COG3: variants seen among roughly 807,000 people sequenced by gnomAD.
COG3 encodes component of oligomeric golgi complex 3, also known as conserved oligomeric Golgi complex subunit 3.
Under a neutral mutation model 114.1 loss-of-function variants are expected in COG3, and 32 were observed. That is an observed-to-expected ratio of 0.28 (90% CI 0.21 to 0.38). COG3 has a LOEUF of 0.38. COG3 is among the 10% of genes least tolerant of loss of function. The pLI, the probability that COG3 is intolerant of heterozygous loss-of-function variation, is 1.00. For missense variants in COG3, 813 were observed against 973.2 expected, an observed-to-expected ratio of 0.84 and a Z score of 2.19; for synonymous variants, 352 against 365.7, an observed-to-expected ratio of 0.96 and a Z score of 0.43.
Position 45,479,047 on chromosome 13 carries a change from G to A in COG3, c.364G>A (p.Asp122Asn). The change falls in exon 3 of 23, where the codon GAT (aspartate) becomes AAT (asparagine). Residue 122 changes from aspartate to asparagine, a missense_variant. Physicochemically the swap from Asp to Asn is conservative, Grantham distance 23. This residue lies in a region of COG3 where 424 missense variants were observed against 430.6 expected (regional missense o/e 0.98). Transcript: ENST00000349995. ...FAKLQTQMDQDEGTKYRQMRD... is the reference protein window; with the variant it reads ...FAKLQTQMDQNEGTKYRQMRD... ...AAAGCTGCAAACTCAGATGGATCAA[G>A]ATGAAGGAACTAAATATAGGTATGT... 1 of 1,610,442 alleles carries A rather than the reference G, an allele frequency of 6.2e-7. No homozygotes were observed. Among genetic ancestry groups the A allele is most frequent in the Non-Finnish European group, 8.5e-7 (1 of 1,178,378 alleles).
chr13:45,533,727 CTT>C (rs1370972205), intron 22 of COG3, among the ~76,000 whole-genome samples: 1 of 152,166 alleles, frequency 6.6e-6, no homozygotes, highest in Non-Finnish European at 1.5e-5. Flanking sequence ...TGTCATGTCT[CTT>C]TAGCTTCTTT....
At chr13:45,500,929 A>G (rs997404761) in intron 13 of COG3, among the ~76,000 whole-genome samples, 5 of 152,156 alleles carry the variant, frequency 3.3e-5, no homozygotes, top group South Asian at 4.1e-4. Flanking sequence ...CTTTTTATAC[A>G]ATGCCCCTTT....
intron 1 of COG3, among the ~76,000 whole-genome samples, chr13:45,472,598 AT>A (rs1002755289): frequency 2.6e-5 from 4 of 151,584 alleles, no homozygotes. Context: ...AAGTTCACTG[AT>A]TTTTTTTCCT....
chr13:45,492,391 G>T, intron 11 of COG3, 141 bp downstream of exon 11: 2 of 508,432 alleles, frequency 3.9e-6, no homozygotes. Flanking sequence ...AATATTGTTG[G>T]GTGGGACAGA....
Position 45,490,948 on chromosome 13 carries a change from A to G in COG3, c.958A>G (p.Lys320Glu). 6.3e-7 allele frequency: 1 copy of G among 1,598,056 alleles called. No individual in the cohort carries two copies. Among genetic ancestry groups the G allele is most frequent in the South Asian group, 1.1e-5 (1 of 89,540 alleles). ...LIEQIELRSE[K>E]IPEYQQLLND... Reference sequence around the variant, plus strand: ...TGAACAAATAGAACTGCGGTCTGAAAAAATACCTGAGTGAGTACCTAGAAG... The same window carrying G: ...TGAACAAATAGAACTGCGGTCTGAAGAAATACCTGAGTGAGTACCTAGAAG... The change falls in exon 9 of 23, where the codon AAA (lysine) becomes GAA (glutamate). Residue 320 changes from lysine to glutamate, a missense_variant. Coordinates refer to ENST00000349995, the MANE Select transcript of COG3 (RefSeq NM_031431.4).
rs771418217 is a variant in COG3, at chr13:45,493,422, G to A, written c.1263G>A (p.Glu421=). 9.9e-6 allele frequency: 16 copies of A among 1,613,186 alleles called. No homozygotes were observed. Among genetic ancestry groups the A allele is most frequent in the Non-Finnish European group, 1.2e-5 (14 of 1,179,502 alleles). ...TGATCATTCATGTTATTCACTTAGA[G>A]ACTCTGTCGGAACTTTGTGGGATTC... ...RPLIIHVIHL[E]TLSELCGILK... The change falls in exon 12 of 23, where the codon GAG becomes GAA. Residue 421 remains glutamate, a synonymous_variant. Coordinates refer to ENST00000349995, the MANE Select transcript of COG3 (RefSeq NM_031431.4).
intron 6 of COG3, 33 bp from the exon 7 acceptor site, chr13:45,483,197 T>C: frequency 1.3e-6 from 2 of 1,545,636 alleles, no homozygotes; most frequent in Non-Finnish European, 1.8e-6. Context: ...TGTGTTCATT[T>C]CCACTTTGTA....
chr13:45,469,869 A>C (rs1885361671), intron 1 of COG3, among the ~76,000 whole-genome samples: 1 of 152,220 alleles, frequency 6.6e-6, no homozygotes. Flanking sequence ...TTGATCAAAA[A>C]TTCAAAATTA....
intron 10 of COG3, 72 bp downstream of exon 10, chr13:45,491,610 C>T: frequency 7.1e-7 from 1 of 1,409,820 alleles, no homozygotes; most frequent in Non-Finnish European, 9.6e-7. Flanking sequence ...AGAAACTATA[C>T]CTGGTTAAAT....
At chr13:45,480,426 A>AG (rs1271392095) in intron 4 of COG3, 136 bp downstream of exon 4, 1 of 599,036 alleles carries the variant, frequency 1.7e-6, no homozygotes, top group Non-Finnish European at 2.8e-6. Flanking sequence ...CTCAGCATGC[A>AG]GATTGTTACA....
At chr13:45,530,562 A>G (rs1194021692) in intron 21 of COG3, 120 bp from the exon 22 acceptor site, 1 of 657,218 alleles carries the variant, frequency 1.5e-6, no homozygotes, top group African/African-American at 1.8e-5. Flanking sequence ...CGTCTTTGGT[A>G]ATATCATGAA....
At chr13:45,496,431 G>A (rs1040930128) in intron 13 of COG3, 119 bp downstream of exon 13, 4 of 792,008 alleles carry the variant, frequency 5.1e-6, no homozygotes, top group Non-Finnish European at 6.6e-6. Context: ...TGTTGCCCAG[G>A]CTGGTCTCGA....
intron 1 of COG3, among the ~76,000 whole-genome samples, chr13:45,475,287 T>C (rs1446981306): frequency 6.6e-6 from 1 of 152,144 alleles, no homozygotes; most frequent in African/African-American, 2.4e-5. Context: ...AACCTCCACC[T>C]CCTGGGCTCT....
At chr13:45,529,939 T>C (rs755724140) in intron 21 of COG3, 21 bp downstream of exon 21, 5 of 1,590,862 alleles carry the variant, frequency 3.1e-6, no homozygotes, top group Admixed American at 1.8e-5. Context: ...GATAACTCAT[T>C]TGAATGTTGG....
chr13:45,491,034 T>A (rs1886988057), intron 9 of COG3, 76 bp downstream of exon 9: 1 of 947,820 alleles, frequency 1.1e-6, no homozygotes, highest in African/African-American at 1.7e-5. Context: ...TCTGGATCTC[T>A]GATATTTTAT....
At chr13:45,487,825 A>C (rs1886763639) in intron 8 of COG3, among the ~76,000 whole-genome samples, 1 of 152,198 alleles carries the variant, frequency 6.6e-6, no homozygotes, top group Non-Finnish European at 1.5e-5. Context: ...AACAGTATGG[A>C]GATTTCTCAA....
At chr13:45,525,164 C>T (rs1872552531) in intron 20 of COG3, 113 bp downstream of exon 20, 1 of 733,568 alleles carries the variant, frequency 1.4e-6, no homozygotes. Flanking sequence ...TGGGGTGCTG[C>T]AATCTGAGTT....
chr13:45,492,663 A>G (rs539371758), intron 11 of COG3, among the ~76,000 whole-genome samples: 4 of 152,272 alleles, frequency 2.6e-5, no homozygotes, highest in African/African-American at 9.6e-5. Flanking sequence ...TGTCTTTCAG[A>G]TCCACTGTTA....
intron 1 of COG3, among the ~76,000 whole-genome samples, chr13:45,467,268 G>A (rs1382463099): frequency 3.3e-5 from 5 of 152,216 alleles, no homozygotes; most frequent in African/African-American, 4.8e-5. Flanking sequence ...CTTCTGGTAC[G>A]TGCAGCTTGG....
Sources: allele counts gnomAD v4.1 joint callset (sites outside exome capture counted in the v4.1 genomes callset), GRCh38; gene constraint gnomAD v4.1.1; regional missense constraint gnomAD v4.1.1; transcripts MANE v1.5; gene names NCBI Gene and HGNC (gene_info 2026-07-23, HGNC 2026-07-21).